Variants in EPN1 observed in about 807,000 individuals in gnomAD.
EPN1 encodes the protein epsin 1.
Under a neutral mutation model 56.9 loss-of-function variants are expected in EPN1, and 25 were observed. The ratio of observed to expected loss-of-function variants is 0.44; its 90% CI spans 0.32 to 0.61. The LOEUF (loss-of-function observed/expected upper bound fraction) is 0.61. EPN1 is among the 20% of genes least tolerant of loss of function. The probability of loss-of-function intolerance (pLI) is 0.05; values close to 1 mark genes in which losing one functional copy is unlikely to be tolerated. For missense variants in EPN1, 785 were observed against 823.7 expected, an observed-to-expected ratio of 0.95 and a Z score of 0.58; for synonymous variants, 411 against 361.8, an observed-to-expected ratio of 1.14 and a Z score of -1.54.
intron 9 of EPN1, 46 bp downstream of exon 9, chr19:55,693,083 C>A: frequency 1.3e-6 from 2 of 1,574,050 alleles, no homozygotes; most frequent in Non-Finnish European, 1.7e-6. Context: ...GGAGCCTCCC[C>A]TAGCTCTTCG....
rs1986401650 is a variant in EPN1, at chr19:55,689,619, GAT to G, written c.679-246_679-245del. 6.6e-6 allele frequency among the ~76,000 whole-genome samples: 1 copy of G among 152,170 alleles called. No homozygotes were observed. The highest frequency in any genetic ancestry group is 2.1e-4 in the South Asian group (1 of 4,832). ...GTCCCTTCCTCCCCCCAACGCAGGA[GAT>G]ACCACCGAGGCGGGTGCCCGTCCTC... is the stretch of plus-strand genomic sequence containing the variant. On this transcript the variant is annotated intron_variant, in intron 5 of 10. Transcript: ENST00000270460. The surrounding 1 kb of genome is among the most constrained non-coding windows in gnomAD (Gnocchi z 5.7).
At chr19:55,677,105 C>T (rs1217715725) in intron 1 of EPN1, 29 of 1,543,666 alleles carry the variant, frequency 1.9e-5, no homozygotes, top group Admixed American at 3.9e-5. Context: ...TCATCCCTAT[C>T]TCCCCTGGGC....
In EPN1 at chr19:55,701,593, TTAA is replaced by T. The variant is rs1268482776; in HGVS notation, c.*6239_*6241del. On this transcript the variant is annotated 3_prime_UTR_variant, in exon 11 of 11. Coordinates refer to ENST00000270460, the MANE Select transcript of EPN1 (RefSeq NM_001130072.2). ...CAGCAGTTCTCAGAAGGAGCTGACA[TTAA>T]TGAGAACTTCTCCCTGTTAGACCCT... is the stretch of plus-strand genomic sequence containing the variant. 2 of 152,148 alleles carry T rather than the reference TTAA, an allele frequency of 1.3e-5. No individual in the cohort carries two copies. The highest frequency in any genetic ancestry group is 4.8e-5 in the African/African-American group (2 of 41,420). 9.4% of individuals were successfully genotyped at this position (152,148 alleles called of 1,614,324 possible).
Position 55,691,790 on chromosome 19 carries a change from C to T in EPN1, c.799C>T (p.Pro267Ser). 1 of 1,612,912 alleles carries T rather than the reference C, an allele frequency of 6.2e-7. No individual in the cohort carries two copies. Residue 267 changes from proline (P) to serine (S), a missense_variant, in exon 7 of 11, where the codon CCA (proline) becomes TCA (serine). Physicochemically the swap from Pro to Ser is moderately conservative, Grantham distance 74 (BLOSUM62 -1). Coordinates refer to ENST00000270460, the MANE Select transcript of EPN1 (RefSeq NM_001130072.2). The surrounding 1 kb of genome is among the most constrained non-coding windows in gnomAD (Gnocchi z 5.6). ...LMDLADVFTA[P>S]APAPTTDPWG... is the part of the protein sequence containing the mutation. ...GGACCTTGCTGACGTCTTCACGGCC[C>T]CAGCTCCTGCCCCGACCACAGACCC...
rs564162984 is a variant in EPN1, at chr19:55,707,689, A to G, written c.*12333A>G. On this transcript the variant is annotated 3_prime_UTR_variant, in exon 11 of 11. Coordinates refer to ENST00000270460, the MANE Select transcript of EPN1 (RefSeq NM_001130072.2). The stretch of plus-strand genomic sequence containing the variant: ...GCCAATGCCATTCTGTTCTTCCATA[A>G]TATCTTTCCCATCTTGACTGAGCAT... The G allele has an allele frequency of 3.2e-5, 5 of 154,638 alleles. No individual in the cohort carries two copies. Among genetic ancestry groups the G allele is most frequent in the African/African-American group, 1.2e-4 (5 of 41,536 alleles). 9.6% of individuals were successfully genotyped at this position (154,638 alleles called of 1,614,324 possible). A position where few individuals can be genotyped will look rare whatever the true frequency, so the allele number is the denominator to read the frequency against.
chr19:55,689,335 G>C lies in EPN1; in HGVS notation c.642G>C (p.Gln214His). 1 of 1,551,708 alleles carries C rather than the reference G, an allele frequency of 6.4e-7. No individual in the cohort carries two copies. The highest frequency in any genetic ancestry group is 8.7e-7 in the Non-Finnish European group (1 of 1,147,002). ...SCGPEDDAQL[Q>H]LALSLSREEH... ...GCCCCGAGGACGACGCCCAGCTCCAGCTGGCCCTTAGTTTGAGCCGAGAAG... is the reference window on the plus strand; with the variant it reads ...GCCCCGAGGACGACGCCCAGCTCCACCTGGCCCTTAGTTTGAGCCGAGAAG... Residue 214 changes from glutamine to histidine, a missense_variant, in exon 5 of 11, where the codon CAG becomes CAC. Around this residue, in one of 2 missense-constraint regions of EPN1, gnomAD observed 650 missense variants for 605.0 expected, o/e 1.07. Transcript: ENST00000270460. The surrounding 1 kb of genome is among the most constrained non-coding windows in gnomAD (Gnocchi z 5.7).
intron 7 of EPN1, 58 bp from the exon 8 acceptor site, chr19:55,692,628 C>T: frequency 4.1e-6 from 5 of 1,210,810 alleles, no homozygotes; most frequent in South Asian, 1.6e-5. Flanking sequence ...AATGGTCCTC[C>T]CTAGCCATCT....
Position 55,701,610 on chromosome 19 carries a change from C to T in EPN1, c.*6254C>T, listed in dbSNP as rs1489771683. 1 of 152,118 alleles carries T rather than the reference C, an allele frequency of 6.6e-6. No individual in the cohort carries two copies. Among genetic ancestry groups the T allele is most frequent in the Non-Finnish European group, 1.5e-5 (1 of 68,036 alleles). The allele number at this position is 152,118 out of a possible 1,614,324, so 9.4% of individuals were successfully genotyped here. A position where few individuals can be genotyped will look rare whatever the true frequency, so the allele number is the denominator to read the frequency against. ...AGCTGACATTAATGAGAACTTCTCCCTGTTAGACCCTTAAAATACTGAGCT... is the reference window on the plus strand; with the variant it reads ...AGCTGACATTAATGAGAACTTCTCCTTGTTAGACCCTTAAAATACTGAGCT... On this transcript the variant is annotated 3_prime_UTR_variant, in exon 11 of 11. Transcript: ENST00000270460.
At chr19:55,684,933 C>T (rs370960656) in intron 2 of EPN1, among the ~76,000 whole-genome samples, 33 of 152,232 alleles carry the variant, frequency 2.2e-4, no homozygotes, top group African/African-American at 7.0e-4. Flanking sequence ...CCCTTCATAT[C>T]GCACAGTTCA....
At chr19:55,688,766 G>A in intron 3 of EPN1, 104 bp from the exon 4 acceptor site, 5 of 1,485,770 alleles carry the variant, frequency 3.4e-6, no homozygotes, top group Middle Eastern at 3.5e-4. Flanking sequence ...TGGGGGACTT[G>A]GGGGGTGGGG....
intron 3 of EPN1, among the ~76,000 whole-genome samples, chr19:55,687,601 G>A (rs1013838053): frequency 1.7e-4 from 26 of 152,162 alleles, no homozygotes; most frequent in African/African-American, 6.3e-4. Flanking sequence ...CAGGGGCAGG[G>A]AAGAGCAGGA....
chr19:55,685,741 A>G, intron 3 of EPN1, 96 bp downstream of exon 3: 1 of 1,458,052 alleles, frequency 6.9e-7, no homozygotes, highest in Middle Eastern at 2.4e-4. Context: ...TCTCCCAGCC[A>G]GGAGGGACCG....
chr19:55,694,629 G>A lies in EPN1; in HGVS notation c.1265-97G>A, dbSNP rs1206735843. On this transcript the variant is annotated intron_variant, in intron 9 of 10. Coordinates refer to ENST00000270460, the MANE Select transcript of EPN1 (RefSeq NM_001130072.2). This position sits in a 1 kb window ranked among gnomAD's most constrained non-coding sequence, Gnocchi z 4.2. ...CCTTCCCGAGGCCTCTGGGCACCGG[G>A]CTCTTTGAAGCGCCCCCTATGATGG... The A allele has an allele frequency of 2.8e-6, 4 of 1,410,330 alleles. No individual in the cohort carries two copies. Among genetic ancestry groups the A allele is most frequent in the Admixed American group, 2.7e-5 (1 of 37,672 alleles). 87.4% of individuals were successfully genotyped at this position (1,410,330 alleles called of 1,614,324 possible).
intron 2 of EPN1, among the ~76,000 whole-genome samples, chr19:55,681,320 G>A (rs934634987): frequency 3.9e-5 from 6 of 152,186 alleles, no homozygotes; most frequent in African/African-American, 1.2e-4. Flanking sequence ...CTTTTCCTCT[G>A]TTTTCCAGAT....
intron 2 of EPN1, among the ~76,000 whole-genome samples, chr19:55,680,357 C>G (rs1186358630): frequency 6.6e-6 from 1 of 152,168 alleles, no homozygotes; most frequent in Non-Finnish European, 1.5e-5. Flanking sequence ...CCTGGCTGTT[C>G]CTGCTGTATC....
rs141127387 is a variant in EPN1, at chr19:55,678,552, G to A, written c.-76G>A. ...ATGCGGTGACCTGCCAGCACCTGCC[G>A]CAGCCTTCGTCCGGGAGTCGCCCCA... On this transcript the variant is annotated 5_prime_UTR_variant, in exon 2 of 11. Transcript: ENST00000270460. 9,867 of 1,547,902 alleles carry A rather than the reference G, an allele frequency of 6.4e-3. 67 individuals carry two copies. Among genetic ancestry groups the A allele is most frequent in the South Asian group, 7.7e-3 (649 of 84,562 alleles).
At position 55,705,091 on chromosome 19, in the gene EPN1, G is replaced by C. The variant is rs1164069203; in HGVS notation, c.*9735G>C. ...TGTGCTACTCAAGCCACTCAGCCTG[G>C]GCTGCAGAGGTTGGAAGCCTCACTG... On this transcript the variant is annotated 3_prime_UTR_variant, in exon 11 of 11. Coordinates refer to ENST00000270460, the MANE Select transcript of EPN1 (RefSeq NM_001130072.2). 2.0e-5 allele frequency: 3 copies of C among 152,212 alleles called. No homozygotes were observed. Among genetic ancestry groups the C allele is most frequent in the Non-Finnish European group, 2.9e-5 (2 of 68,056 alleles). The allele number at this position is 152,212 out of a possible 1,614,324, so 9.4% of individuals were successfully genotyped here.
chr19:55,677,405 C>CT (rs1985509863), intron 1 of EPN1: 3 of 656,426 alleles, frequency 4.6e-6, no homozygotes, highest in Admixed American at 2.7e-5. Flanking sequence ...GCTTGACTCT[C>CT]TTGTTTCTCG....
intron 6 of EPN1, among the ~76,000 whole-genome samples, chr19:55,690,511 T>G (rs1385652746): frequency 6.6e-6 from 1 of 151,874 alleles, no homozygotes; most frequent in Admixed American, 6.5e-5. Flanking sequence ...TGGCTGGTTG[T>G]TTCGTGTCAT....
Sources: allele counts gnomAD v4.1 joint callset (sites outside exome capture counted in the v4.1 genomes callset), GRCh38; gene constraint gnomAD v4.1.1; regional missense constraint gnomAD v4.1.1; non-coding constraint Gnocchi (gnomAD v3.1); transcripts MANE v1.5; gene names NCBI Gene and HGNC (gene_info 2026-07-23, HGNC 2026-07-21).